DNAH11: variants seen among roughly 807,000 people sequenced by gnomAD.
The protein encoded by DNAH11 is axonemal beta dynein heavy chain 11.
Under a neutral mutation model 526.0 loss-of-function variants are expected in DNAH11, and 442 were observed. The ratio of observed to expected loss-of-function variants is 0.84; its 90% CI spans 0.78 to 0.91. The LOEUF is 0.91. Among genes scored for constraint, DNAH11 ranks in the 40% least tolerant of loss-of-function variants. The pLI is 0.00. For synonymous variants in DNAH11, 2,461 were observed against 1,935.9 expected, an observed-to-expected ratio of 1.27 and a Z score of -7.12; for missense variants, 6,989 against 5,448.7, an observed-to-expected ratio of 1.28 and a Z score of -8.90.
chr7:21,831,808 T>G (rs1223184731), intron 65 of DNAH11, among the ~76,000 whole-genome samples: 1 of 152,090 alleles, frequency 6.6e-6, no homozygotes, highest in African/African-American at 2.4e-5. Context: ...AAGCTTCTGT[T>G]GGCCAGGCGC....
intron 68 of DNAH11, among the ~76,000 whole-genome samples, chr7:21,857,224 C>T (rs1216483858): frequency 7.9e-5 from 12 of 152,246 alleles, no homozygotes; most frequent in Non-Finnish European, 1.5e-4. Context: ...ACAGTGGCTT[C>T]CAAAGCCGTG....
intron 14 of DNAH11, among the ~76,000 whole-genome samples, chr7:21,598,934 C>G (rs571311711): frequency 2.0e-5 from 3 of 152,312 alleles, no homozygotes; most frequent in Non-Finnish European, 4.4e-5. Context: ...TTTTTTATGG[C>G]TGCATAGTAT....
intron 38 of DNAH11, 104 bp downstream of exon 38, chr7:21,704,732 A>C (rs1243414029): frequency 7.8e-7 from 1 of 1,275,922 alleles, no homozygotes; most frequent in South Asian, 1.6e-5. Flanking sequence ...CCCTAACCTT[A>C]ATAGGATCTT....
Position 21,549,382 on chromosome 7 carries a change from A to AGT in DNAH11, c.495+4233_495+4234insGT, listed in dbSNP as rs567953836. Among the ~76,000 whole-genome samples, 418 of 51,522 alleles carry AGT rather than the reference A, an allele frequency of 8.1e-3. 1 individual carries two copies. Among genetic ancestry groups the AGT allele is most frequent in the African/African-American group, 0.068 (402 of 5,946 alleles). 33.8% of individuals were successfully genotyped at this position (51,522 alleles called of 152,430 possible). A position where few individuals can be genotyped will look rare whatever the true frequency, so the allele number is the denominator to read the frequency against. On this transcript the variant is annotated intron_variant, in intron 2 of 81. Transcript: ENST00000409508. ...TTGACCCAGGCATTCATATTCCCAT[A>AGT]CTCTAAGGTTTGCTTTAAATCCTTT...
intron 2 of DNAH11, among the ~76,000 whole-genome samples, chr7:21,555,349 C>G (rs529606065): frequency 6.6e-6 from 1 of 152,314 alleles, no homozygotes; most frequent in South Asian, 2.1e-4. Flanking sequence ...TCCCAAAGGA[C>G]TATCTGGGGG....
At chr7:21,682,525 CAAAAA>C (rs60337481) in intron 31 of DNAH11, among the ~76,000 whole-genome samples, 42,675 of 95,218 alleles carry the variant, frequency 0.45, 6,590 homozygotes, top group Non-Finnish European at 0.47. Flanking sequence ...GACTCCATCT[CAAAAA>C]AAAAAAAAAA....
chr7:21,767,926 AC>A (rs1380097965), intron 55 of DNAH11, among the ~76,000 whole-genome samples: 2 of 151,888 alleles, frequency 1.3e-5, no homozygotes, highest in Non-Finnish European at 2.9e-5. Flanking sequence ...ACACAAGGTG[AC>A]CCCCTTTGGC....
chr7:21,669,833 C>T (rs1003889990), intron 30 of DNAH11, among the ~76,000 whole-genome samples: 1 of 152,022 alleles, frequency 6.6e-6, no homozygotes, highest in African/African-American at 2.4e-5. Context: ...GGTTGAAAGT[C>T]AACTGACTAT....
chr7:21,803,543 T>C (rs1789094360), intron 62 of DNAH11, among the ~76,000 whole-genome samples: 1 of 152,082 alleles, frequency 6.6e-6, no homozygotes, highest in African/African-American at 2.4e-5. Context: ...AGACTCCCAC[T>C]TAAGTTTCTT....
chr7:21,849,793 A>AT (rs1782553440), intron 66 of DNAH11, among the ~76,000 whole-genome samples: 1 of 151,968 alleles, frequency 6.6e-6, no homozygotes, highest in African/African-American at 2.4e-5. Flanking sequence ...CTAAGAGTTG[A>AT]TTTTTTGGCA....
Position 21,861,897 on chromosome 7 carries a change from G to A in DNAH11, c.11247G>A (p.Lys3749=). 6.2e-7 allele frequency: 1 copy of A among 1,613,470 alleles called. No individual in the cohort carries two copies. Among genetic ancestry groups the A allele is most frequent in the Non-Finnish European group, 8.5e-7 (1 of 1,179,696 alleles). The part of the protein sequence containing the change: ...LFHRAIEQAD[K]VEDMQGRISI... ...ACAGAGCGATCGAGCAGGCTGACAA[G>A]GTGGAAGACATGCAGGGACGCATCT... Residue 3749 remains lysine (K), a synonymous_variant, in exon 69 of 82, where the codon AAG becomes AAA. Transcript: ENST00000409508.
At chr7:21,705,601 C>T in intron 39 of DNAH11, 64 bp downstream of exon 39, 1 of 1,534,850 alleles carries the variant, frequency 6.5e-7, no homozygotes, top group Non-Finnish European at 9.0e-7. Flanking sequence ...TGTGGTTCGG[C>T]CTATTTTCAA....
intron 55 of DNAH11, among the ~76,000 whole-genome samples, chr7:21,769,674 A>G (rs758488506): frequency 1.3e-5 from 2 of 151,844 alleles, no homozygotes; most frequent in Non-Finnish European, 2.9e-5. Flanking sequence ...TAGTAGAGAC[A>G]GGGTTTCACC....
chr7:21,810,738 A>G (rs1426712314), intron 63 of DNAH11, among the ~76,000 whole-genome samples: 2 of 152,184 alleles, frequency 1.3e-5, no homozygotes, highest in Non-Finnish European at 2.9e-5. Context: ...AGCCAGGTTT[A>G]TAGGCAGGTA....
intron 65 of DNAH11, among the ~76,000 whole-genome samples, chr7:21,818,560 A>G (rs1789916518): frequency 6.6e-6 from 1 of 152,134 alleles, no homozygotes. Flanking sequence ...TTCCTGATTT[A>G]TGGGCCAAAA....
chr7:21,651,455 C>T (rs560880527), intron 28 of DNAH11, among the ~76,000 whole-genome samples: 44 of 152,214 alleles, frequency 2.9e-4, no homozygotes, highest in Non-Finnish European at 2.1e-4. Context: ...CTCCGCCCCT[C>T]CAGGTTTAAG....
chr7:21,866,142 C>T (rs1391554948), intron 70 of DNAH11, among the ~76,000 whole-genome samples: 1 of 152,150 alleles, frequency 6.6e-6, no homozygotes, highest in Non-Finnish European at 1.5e-5. Context: ...TCAATTTACC[C>T]AGCTCCTATT....
At chr7:21,723,943 G>A (rs756633001) in intron 44 of DNAH11, among the ~76,000 whole-genome samples, 70 of 152,312 alleles carry the variant, frequency 4.6e-4, no homozygotes, top group Middle Eastern at 3.4e-3. Flanking sequence ...TGATGTCTGC[G>A]TTTGTTGGCT....
Position 21,616,249 on chromosome 7 carries a change from T to G in DNAH11, c.4052T>G (p.Ile1351Ser). 1 of 1,613,652 alleles carries G rather than the reference T, an allele frequency of 6.2e-7. No individual in the cohort carries two copies. The highest frequency in any genetic ancestry group is 8.5e-7 in the Non-Finnish European group (1 of 1,179,712). ...TGGACTAAAACCCAGTGGAGACAGATTCATGTGGAACAGATGGATGTAGAA... is the reference window on the plus strand; with the variant it reads ...TGGACTAAAACCCAGTGGAGACAGAGTCATGTGGAACAGATGGATGTAGAA... ...DNWTKTQWRQ[I>S]HVEQMDVELR... The change falls in exon 22 of 82, where the codon ATT becomes AGT. Residue 1351 changes from isoleucine to serine, a missense_variant. By Grantham distance (142) the Ile-to-Ser change is moderately radical (BLOSUM62 -2). Coordinates refer to ENST00000409508, the MANE Select transcript of DNAH11 (RefSeq NM_001277115.2).
Sources: gnomAD v4.1 joint callset for allele counts (sites outside exome capture counted in the v4.1 genomes callset) on GRCh38, gnomAD v4.1.1 for gene constraint, MANE v1.5 for transcripts, NCBI Gene and HGNC (gene_info 2026-07-23, HGNC 2026-07-21) for gene names.